The following CATSPERE variants were observed in gnomAD, a reference collection of about 807,000 sequenced individuals.
The protein encoded by CATSPERE is catsper channel auxiliary subunit epsilon.
CATSPERE carries 93 observed loss-of-function variants against 114.1 expected under a neutral mutation model. The observed-to-expected ratio is 0.81, with a 90% CI of 0.69 to 0.97. The LOEUF is 0.97. Among genes scored for constraint, CATSPERE ranks in the 50% least tolerant of loss-of-function variants. CATSPERE has a pLI of 0.00. For synonymous variants in CATSPERE, 341 were observed against 384.1 expected (o/e 0.89, Z 1.31); for missense variants, 1,058 against 1,131.6 (o/e 0.93, Z 0.93).
chr1:244,580,658 T>C (rs1666031051), intron 11 of CATSPERE, among the ~76,000 whole-genome samples: 1 of 152,142 alleles, frequency 6.6e-6, no homozygotes, highest in Non-Finnish European at 1.5e-5. Context: ...CTGATCAGAA[T>C]TGTCTCCTTT....
chr1:244,530,711 T>C lies in CATSPERE; in HGVS notation c.536+12013T>C, dbSNP rs533357754. On this transcript the variant is annotated intron_variant, in intron 8 of 21. Transcript: ENST00000366534. ...GTTGTTGCATCAATATTTTATAGTT[T>C]TCATTGCAGAGATCTTTCAATTCTT... Among the ~76,000 whole-genome samples the C allele has an allele frequency of 6.6e-5, 10 of 152,312 alleles. No homozygotes were observed. The South Asian group carries it at 1.7e-3, about 25-fold the overall frequency.
chr1:244,516,509 T>G (rs9943261), intron 7 of CATSPERE, among the ~76,000 whole-genome samples: 45,529 of 150,556 alleles, frequency 0.3, 8,679 homozygotes, highest in African/African-American at 0.55. Flanking sequence ...CACCGTGCCA[T>G]GCTAAAAGGG....
At chr1:244,505,070 A>G (rs1316895501) in intron 7 of CATSPERE, among the ~76,000 whole-genome samples, 1 of 152,148 alleles carries the variant, frequency 6.6e-6, no homozygotes, top group Non-Finnish European at 1.5e-5. Context: ...ATCCAATACT[A>G]CTTTATTTAT....
chr1:244,502,264 G>A (rs1447437458), intron 7 of CATSPERE, among the ~76,000 whole-genome samples: 2 of 152,082 alleles, frequency 1.3e-5, no homozygotes, highest in African/African-American at 2.4e-5. Context: ...GTATGTGGCT[G>A]TACATTTTTC....
chr1:244,564,336 T>C (rs961054955), intron 10 of CATSPERE, among the ~76,000 whole-genome samples: 1 of 152,224 alleles, frequency 6.6e-6, no homozygotes, highest in Non-Finnish European at 1.5e-5. Context: ...ATAAATTACT[T>C]TGGGCAGTAT....
chr1:244,491,181 C>G lies in CATSPERE; in HGVS notation c.351+710C>G, dbSNP rs1029911514. ...CACACCACACCTATTCCAAAATTGA[C>G]CACATACTTGGAAGTAAAGCTCTCC... is the stretch of plus-strand genomic sequence containing the variant. On this transcript the variant is annotated intron_variant, in intron 6 of 21. Coordinates refer to ENST00000366534, the MANE Select transcript of CATSPERE (RefSeq NM_001130957.2). Among the ~76,000 whole-genome samples, 4 of 151,924 alleles carry G rather than the reference C, an allele frequency of 2.6e-5. No homozygotes were observed. In the South Asian group the frequency reaches 6.2e-4, roughly 24 times the overall value.
intron 13 of CATSPERE, among the ~76,000 whole-genome samples, chr1:244,587,804 A>G (rs1354770645): frequency 1.3e-5 from 2 of 152,234 alleles, no homozygotes; most frequent in African/African-American, 4.8e-5. Context: ...AGCAAGTCAG[A>G]TTAGTAGCTG....
intron 19 of CATSPERE, among the ~76,000 whole-genome samples, chr1:244,613,747 T>C (rs1337345098): frequency 1.3e-5 from 2 of 152,188 alleles, no homozygotes; most frequent in African/African-American, 4.8e-5. Context: ...CCTGGATGAT[T>C]AGTCAGTTCT....
chr1:244,602,993 G>A (rs1462544734), intron 17 of CATSPERE, among the ~76,000 whole-genome samples: 1 of 152,114 alleles, frequency 6.6e-6, no homozygotes, highest in Admixed American at 6.6e-5. Context: ...AGTTTCTGTG[G>A]GAAGGAATAG....
At chr1:244,484,540 G>C (rs1471641082) in intron 5 of CATSPERE, among the ~76,000 whole-genome samples, 2 of 152,150 alleles carry the variant, frequency 1.3e-5, no homozygotes, top group Non-Finnish European at 2.9e-5. Flanking sequence ...AGTATTTTAT[G>C]TTTTTGGTGC....
At chr1:244,548,267 T>G (rs926415988) in intron 8 of CATSPERE, among the ~76,000 whole-genome samples, 2 of 152,196 alleles carry the variant, frequency 1.3e-5, no homozygotes, top group Non-Finnish European at 2.9e-5. Flanking sequence ...TGAAAGAAAG[T>G]AGCCATGGTA....
At chr1:244,490,321 T>G in intron 5 of CATSPERE, 126 bp from the exon 6 acceptor site, 1 of 576,432 alleles carries the variant, frequency 1.7e-6, no homozygotes, top group African/African-American at 1.9e-5. Context: ...CCTTTAATTT[T>G]ATATACCGTA....
chr1:244,610,942 G>A (rs1180795371), intron 19 of CATSPERE, among the ~76,000 whole-genome samples: 3 of 151,860 alleles, frequency 2.0e-5, no homozygotes, highest in Admixed American at 6.6e-5. Context: ...TGTGTTTTTA[G>A]TAGAGACGGC....
At chr1:244,543,845 C>A (rs757360300) in intron 8 of CATSPERE, among the ~76,000 whole-genome samples, 4 of 151,632 alleles carry the variant, frequency 2.6e-5, no homozygotes, top group African/African-American at 9.7e-5. Context: ...AGGGGAGAAA[C>A]ATAGTGGGTC....
intron 18 of CATSPERE, among the ~76,000 whole-genome samples, chr1:244,608,506 A>G (rs1381204105): frequency 1.3e-5 from 2 of 151,256 alleles, no homozygotes; most frequent in Non-Finnish European, 2.9e-5. Context: ...ACTGCATTCC[A>G]TCCTGGTTGA....
intron 15 of CATSPERE, among the ~76,000 whole-genome samples, chr1:244,592,175 C>T (rs1667812817): frequency 6.6e-6 from 1 of 152,122 alleles, no homozygotes; most frequent in Non-Finnish European, 1.5e-5. Context: ...GTGGCGAAAC[C>T]CCATTTCTAC....
intron 20 of CATSPERE, among the ~76,000 whole-genome samples, chr1:244,621,509 G>T (rs1672387862): frequency 6.6e-6 from 1 of 151,128 alleles, no homozygotes. Flanking sequence ...TATACCCTCT[G>T]GAGGATTGTG....
intron 11 of CATSPERE, among the ~76,000 whole-genome samples, chr1:244,576,325 T>C (rs1484574711): frequency 6.6e-6 from 1 of 151,848 alleles, no homozygotes; most frequent in African/African-American, 2.4e-5. Flanking sequence ...TATCCCTGTA[T>C]GGGTCACCAT....
intron 8 of CATSPERE, among the ~76,000 whole-genome samples, chr1:244,519,624 C>A (rs1677197762): frequency 6.6e-6 from 1 of 152,154 alleles, no homozygotes; most frequent in South Asian, 2.1e-4. Context: ...GTGTGCCCTA[C>A]AATGGGATGG....
Sources: allele counts gnomAD v4.1 joint callset (sites outside exome capture counted in the v4.1 genomes callset), GRCh38; gene constraint gnomAD v4.1.1; transcripts MANE v1.5; gene names NCBI Gene and HGNC (gene_info 2026-07-23, HGNC 2026-07-21).